Variants in CSMD3 observed in about 807,000 individuals in gnomAD.
The protein encoded by CSMD3 is CUB and sushi domain-containing protein 3.
Under a neutral mutation model 435.2 loss-of-function variants are expected in CSMD3, and 177 were observed. That is an observed-to-expected ratio of 0.41 (90% CI 0.36 to 0.46). The LOEUF is 0.46. CSMD3 is among the 20% of genes least tolerant of loss of function. The pLI, the probability that CSMD3 is intolerant of heterozygous loss-of-function variation, is 0.34. For missense variants in CSMD3, 4,265 were observed against 4,504.6 expected, an observed-to-expected ratio of 0.95 and a Z score of 1.52; for synonymous variants, 1,656 against 1,520.5, an observed-to-expected ratio of 1.09 and a Z score of -2.07.
chr8:113,332,588 TAC>T (rs929298739), intron 1 of CSMD3, among the ~76,000 whole-genome samples: 1 of 151,640 alleles, frequency 6.6e-6, no homozygotes, highest in Non-Finnish European at 1.5e-5. Flanking sequence ...AAGACTTTTA[TAC>T]TAAATACTAC....
chr8:113,201,272 TGA>T (rs1018802024), intron 3 of CSMD3, among the ~76,000 whole-genome samples: 1 of 151,994 alleles, frequency 6.6e-6, no homozygotes, highest in African/African-American at 2.4e-5. Context: ...TGAAATTCAT[TGA>T]GAGTGTGGTT....
intron 5 of CSMD3, among the ~76,000 whole-genome samples, chr8:113,032,972 C>A (rs1409643890): frequency 3.3e-5 from 5 of 151,540 alleles, no homozygotes; most frequent in Admixed American, 2.6e-4. Flanking sequence ...ATGGTCCAAG[C>A]CCTAATCCTT....
intron 3 of CSMD3, among the ~76,000 whole-genome samples, chr8:113,222,054 G>A (rs1305229037): frequency 1.3e-5 from 2 of 148,346 alleles, no homozygotes; most frequent in Non-Finnish European, 3.0e-5. Context: ...GGTTAAATAA[G>A]AAATATGAAT....
intron 1 of CSMD3, among the ~76,000 whole-genome samples, chr8:113,325,536 T>C (rs2093978144): frequency 1.3e-5 from 2 of 152,190 alleles, no homozygotes; most frequent in African/African-American, 4.8e-5. Flanking sequence ...TAAAGCTCTT[T>C]CTTTTGTAAA....
chr8:113,188,178 T>G (rs1423490377), intron 3 of CSMD3, among the ~76,000 whole-genome samples: 1 of 152,020 alleles, frequency 6.6e-6, no homozygotes, highest in Admixed American at 6.6e-5. Context: ...AACATATTAT[T>G]TTGCCTTTTA....
intron 22 of CSMD3, among the ~76,000 whole-genome samples, chr8:112,611,215 C>T (rs1436180627): frequency 6.6e-6 from 1 of 152,158 alleles, no homozygotes; most frequent in Admixed American, 6.5e-5. Flanking sequence ...GACTTTACAT[C>T]TGTGAATACA....
intron 12 of CSMD3, among the ~76,000 whole-genome samples, chr8:112,827,208 A>ATATATATATAC (rs2079723237): frequency 1.7e-5 from 1 of 60,194 alleles, no homozygotes; most frequent in Non-Finnish European, 3.2e-5. Flanking sequence ...TATATATATA[A>ATATATATATAC]TCTTTCTACC....
At chr8:112,514,471 T>C (rs1352148061) in intron 28 of CSMD3, among the ~76,000 whole-genome samples, 4 of 152,190 alleles carry the variant, frequency 2.6e-5, no homozygotes, top group Admixed American at 6.6e-5. Context: ...GGCAGTTATA[T>C]GGGCATCAAC....
intron 13 of CSMD3, among the ~76,000 whole-genome samples, chr8:112,692,847 T>A (rs1289413097): frequency 6.6e-6 from 1 of 152,168 alleles, no homozygotes; most frequent in Non-Finnish European, 1.5e-5. Flanking sequence ...TTATTATAAT[T>A]CTTCTATTTT....
Position 112,954,668 on chromosome 8 carries a change from A to G in CSMD3, c.1420+16T>C. 1 of 1,544,118 alleles carries G rather than the reference A, an allele frequency of 6.5e-7. No homozygotes were observed. The highest frequency in any genetic ancestry group is 8.9e-7 in the Non-Finnish European group (1 of 1,117,906). On this transcript the variant is annotated intron_variant, in intron 8 of 70. Coordinates refer to ENST00000297405, the MANE Select transcript of CSMD3 (RefSeq NM_198123.2). Reference sequence around the variant, plus strand: ...CTCTTGCACTAGAGAAAGTAACAAAAAAGAAGTACACTCACAGATAGAAAA... The same window carrying G: ...CTCTTGCACTAGAGAAAGTAACAAAGAAGAAGTACACTCACAGATAGAAAA...
In CSMD3 at chr8:113,224,732, C is replaced by T. The variant is rs138212931; in HGVS notation, c.515-50816G>A. Among the ~76,000 whole-genome samples the T allele has an allele frequency of 3.1e-3, 471 of 151,234 alleles. 2 individuals are homozygous for T. Among genetic ancestry groups the T allele is most frequent in the African/African-American group, 9.5e-3 (395 of 41,410 alleles). Reference sequence around the variant, plus strand: ...TGTATTAACCACCTGTGTCTTCCAACATTCACAGAGGAGAGGCAATAGATG... The same window carrying T: ...TGTATTAACCACCTGTGTCTTCCAATATTCACAGAGGAGAGGCAATAGATG... On this transcript the variant is annotated intron_variant, in intron 3 of 70. Transcript: ENST00000297405.
intron 7 of CSMD3, among the ~76,000 whole-genome samples, chr8:112,962,617 C>T (rs2084272989): frequency 6.6e-6 from 1 of 151,754 alleles, no homozygotes; most frequent in South Asian, 2.1e-4. Flanking sequence ...GATTTCAGGT[C>T]ATTATATTTT....
intron 3 of CSMD3, among the ~76,000 whole-genome samples, chr8:113,215,277 T>C (rs1445509016): frequency 6.6e-6 from 1 of 151,872 alleles, no homozygotes; most frequent in Non-Finnish European, 1.5e-5. Flanking sequence ...AAGGCAGTGG[T>C]CAACATAGGC....
chr8:113,143,646 C>A (rs1023172404), intron 4 of CSMD3, among the ~76,000 whole-genome samples: 19 of 151,294 alleles, frequency 1.3e-4, no homozygotes, highest in African/African-American at 4.6e-4. Context: ...TTGATACATG[C>A]AAAAATTTGC....
intron 40 of CSMD3, among the ~76,000 whole-genome samples, chr8:112,346,680 TTTTTTTTTTTTTTTTTTG>T (rs1406555304): frequency 2.3e-4 from 15 of 65,672 alleles, no homozygotes; most frequent in African/African-American, 6.9e-4. Context: ...TTTTTTTTTT[TTTTTTTTTTTTTTTTTTG>T]GAGAAGGAGT....
intron 23 of CSMD3, among the ~76,000 whole-genome samples, chr8:112,576,043 A>T (rs1829914758): frequency 7.6e-6 from 1 of 132,450 alleles, no homozygotes; most frequent in Non-Finnish European, 1.7e-5. Flanking sequence ...TATGAAAAAT[A>T]TAAATATAAA....
intron 10 of CSMD3, among the ~76,000 whole-genome samples, chr8:112,908,210 G>A (rs1039586145): frequency 6.6e-6 from 1 of 151,324 alleles, no homozygotes; most frequent in African/African-American, 2.4e-5. Flanking sequence ...GCTTTAGACA[G>A]CTTGGCAATG....
chr8:112,416,611 T>C (rs1811939334), intron 32 of CSMD3, among the ~76,000 whole-genome samples: 1 of 152,236 alleles, frequency 6.6e-6, no homozygotes, highest in South Asian at 2.1e-4. Flanking sequence ...GGTTCACTGA[T>C]TTAGCAATTA....
intron 22 of CSMD3, 68 bp downstream of exon 22, chr8:112,636,749 G>A (rs2131579705): frequency 8.0e-7 from 1 of 1,256,206 alleles, no homozygotes; most frequent in Non-Finnish European, 1.2e-6. Flanking sequence ...AAGAACGAAG[G>A]GTGTAACCAT....
Sources: allele counts gnomAD v4.1 joint callset (sites outside exome capture counted in the v4.1 genomes callset), GRCh38; gene constraint gnomAD v4.1.1; transcripts MANE v1.5; gene names NCBI Gene and HGNC (gene_info 2026-07-23, HGNC 2026-07-21).